Variants in VAV2 observed in about 807,000 individuals in gnomAD.
The protein encoded by VAV2 is vav guanine nucleotide exchange factor 2, also known as guanine nucleotide exchange factor VAV2.
A neutral mutation model predicts 132.5 loss-of-function variants in VAV2; 67 were observed. That is an observed-to-expected ratio of 0.51 (90% confidence interval 0.42 to 0.62). The LOEUF is 0.62. Ranked by LOEUF, VAV2 falls within the 20% of genes least tolerant of loss-of-function variation. The probability of loss-of-function intolerance (pLI) is 0.00; values close to 1 mark genes in which losing one functional copy is unlikely to be tolerated. For synonymous variants in VAV2, 492 were observed against 443.5 expected (o/e 1.11, Z -1.37); for missense variants, 938 against 1,153.6 (o/e 0.81, Z 2.71).
chr9:133,947,879 T>A (rs1048096146), intron 1 of VAV2, among the ~76,000 whole-genome samples: 2 of 151,238 alleles, frequency 1.3e-5, no homozygotes, highest in Non-Finnish European at 3.0e-5. Context: ...AACCTTCACC[T>A]CCCAGGTTCA....
In VAV2 at chr9:133,769,176, G is replaced by A. The variant is rs1833532546; in HGVS notation, c.2434+241C>T. Among the ~76,000 whole-genome samples, 1 of 152,254 alleles carries A rather than the reference G, an allele frequency of 6.6e-6. No homozygotes were observed. The highest frequency in any genetic ancestry group is 6.5e-5 in the Admixed American group (1 of 15,288). On this transcript the variant is annotated intron_variant, in intron 28 of 29. Coordinates refer to ENST00000371850, the MANE Select transcript of VAV2 (RefSeq NM_001134398.2). The surrounding 1 kb of genome is among the most constrained non-coding windows in gnomAD (Gnocchi z 8.1). Reference sequence around the variant, plus strand: ...GGGCTGGGAAAGTGGCCATCAGGGTGGGCGTGTCCACAGGGGGTGGGTGGT... The same window carrying A: ...GGGCTGGGAAAGTGGCCATCAGGGTAGGCGTGTCCACAGGGGGTGGGTGGT...
rs975738651 is a variant in VAV2 at position 133,935,632 on chromosome 9, G to A, written c.321+3471C>T. Among the ~76,000 whole-genome samples the A allele has an allele frequency of 1.6e-4, 25 of 152,222 alleles. No individual in the cohort carries two copies. Among genetic ancestry groups the A allele is most frequent in the African/African-American group, 5.3e-4 (22 of 41,458 alleles). ...ACCTGTCCCGGAGAAGCCAGGAGGC[G>A]CTGGCAGAGCAGAACCGTCAGGCTC... On this transcript the variant is annotated intron_variant, in intron 2 of 29. Transcript: ENST00000371850. This position sits in a 1 kb window ranked among gnomAD's most constrained non-coding sequence, Gnocchi z 5.2.
intron 2 of VAV2, among the ~76,000 whole-genome samples, chr9:133,922,276 G>A (rs906818021): frequency 6.6e-6 from 1 of 152,244 alleles, no homozygotes; most frequent in Non-Finnish European, 1.5e-5. Context: ...GCGTCTACCT[G>A]CCTGGGCTTC....
At position 133,788,245 on chromosome 9, in the gene VAV2, G is replaced by T; in HGVS notation, c.1407+109C>A. 2.2e-6 allele frequency: 1 copy of T among 457,594 alleles called. No individual in the cohort carries two copies. Among genetic ancestry groups the T allele is most frequent in the Non-Finnish European group, 4.4e-6 (1 of 229,424 alleles). The allele number at this position is 457,594 out of a possible 1,614,324, so 28.3% of individuals were successfully genotyped here. On this transcript the variant is annotated intron_variant, in intron 15 of 29. Transcript: ENST00000371850. The surrounding 1 kb of genome is among the most constrained non-coding windows in gnomAD (Gnocchi z 5.3). ...ACGCCCACCCCAACCCACCCGGCCA[G>T]CATCAGCGGCTGACTTCGAGTCCCC...
chr9:133,960,022 C>A (rs1841914962), intron 1 of VAV2, among the ~76,000 whole-genome samples: 1 of 152,222 alleles, frequency 6.6e-6, no homozygotes, highest in Non-Finnish European at 1.5e-5. Context: ...ACAGTGAGAG[C>A]CGGGAACACG....
At position 133,807,288 on chromosome 9, in the gene VAV2, C is replaced by T. The variant is rs370308907; in HGVS notation, c.705G>A (p.Ala235=). The change falls in exon 8 of 30, where the codon GCG becomes GCA. Residue 235 remains alanine (A), a synonymous_variant. Coordinates refer to ENST00000371850, the MANE Select transcript of VAV2 (RefSeq NM_001134398.2). ...MSPLRLVLSP[A]DMAAVFINLE... ...GGTTAATGAAGACAGCTGCCATGTC[C>T]GCCGGGCTCAGCACCAGCCGCAGGG... 53 of 1,611,076 alleles carry T rather than the reference C, an allele frequency of 3.3e-5. No individual in the cohort carries two copies. The highest frequency in any genetic ancestry group is 4.0e-5 in the African/African-American group (3 of 74,886).
intron 2 of VAV2, among the ~76,000 whole-genome samples, chr9:133,865,840 G>A (rs1257118647): frequency 6.6e-6 from 1 of 152,208 alleles, no homozygotes; most frequent in Non-Finnish European, 1.5e-5. Flanking sequence ...TGTTTTCCAT[G>A]GGTGGAGGGA....
intron 3 of VAV2, among the ~76,000 whole-genome samples, chr9:133,858,464 C>T (rs1482006993): frequency 2.6e-5 from 4 of 152,130 alleles, no homozygotes; most frequent in African/African-American, 9.7e-5. Context: ...AACCCACGCC[C>T]GATGTATCCT....
intron 2 of VAV2, among the ~76,000 whole-genome samples, chr9:133,865,041 G>A (rs1837746317): frequency 6.6e-6 from 1 of 152,250 alleles, no homozygotes; most frequent in Non-Finnish European, 1.5e-5. Flanking sequence ...AGGTTCAGCA[G>A]AGGATAGGAA....
Position 133,838,252 on chromosome 9 carries a change from C to T in VAV2, c.381-3912G>A, listed in dbSNP as rs116903069. Among the ~76,000 whole-genome samples the T allele has an allele frequency of 4.4e-3, 671 of 151,918 alleles. 10 individuals are homozygous for T. The highest frequency in any genetic ancestry group is 5.8e-3 in the Admixed American group (88 of 15,234). ...TGCTAGCATCCTTCAGGGCTGAATCCAAGCCCTACTGCATGTGGGAAGACT... is the reference window on the plus strand; with the variant it reads ...TGCTAGCATCCTTCAGGGCTGAATCTAAGCCCTACTGCATGTGGGAAGACT... On this transcript the variant is annotated intron_variant, in intron 3 of 29. Coordinates refer to ENST00000371850, the MANE Select transcript of VAV2 (RefSeq NM_001134398.2).
intron 2 of VAV2, among the ~76,000 whole-genome samples, chr9:133,868,723 C>T (rs945235708): frequency 3.3e-5 from 5 of 152,238 alleles, no homozygotes; most frequent in African/African-American, 9.6e-5. Flanking sequence ...CTGGGAATGC[C>T]GCTCTGGCCC....
intron 2 of VAV2, among the ~76,000 whole-genome samples, chr9:133,890,381 C>A (rs185638336): frequency 6.6e-6 from 1 of 152,310 alleles, no homozygotes; most frequent in East Asian, 1.9e-4. Context: ...GGAGTGAGCA[C>A]GGACTGCAGC....
intron 2 of VAV2, among the ~76,000 whole-genome samples, chr9:133,924,513 C>T (rs1840404640): frequency 6.6e-6 from 1 of 152,170 alleles, no homozygotes; most frequent in African/African-American, 2.4e-5. Flanking sequence ...CTACAGTTAA[C>T]AATAGCAGTA....
intron 1 of VAV2, among the ~76,000 whole-genome samples, chr9:133,977,435 G>A (rs974834747): frequency 2.0e-5 from 3 of 152,174 alleles, no homozygotes; most frequent in African/African-American, 4.8e-5. Flanking sequence ...TGAGCATGAA[G>A]GACTAGAACC....
intron 2 of VAV2, among the ~76,000 whole-genome samples, chr9:133,895,289 C>A (rs1370890177): frequency 6.6e-6 from 1 of 151,156 alleles, no homozygotes; most frequent in Non-Finnish European, 1.5e-5. Context: ...TGGGGGAGGC[C>A]TGGCGGGGCT....
intron 1 of VAV2, among the ~76,000 whole-genome samples, chr9:133,948,626 C>T (rs901113510): frequency 1.6e-4 from 24 of 152,204 alleles, no homozygotes; most frequent in African/African-American, 5.3e-4. Flanking sequence ...AGGGCTGCAA[C>T]AACAGCGTGT....
intron 13 of VAV2, among the ~76,000 whole-genome samples, chr9:133,790,916 G>A (rs1174352174): frequency 1.3e-5 from 2 of 152,092 alleles, no homozygotes; most frequent in African/African-American, 4.8e-5. Context: ...CACCACCAGG[G>A]GTAATTTTGC....
Position 133,788,288 on chromosome 9 carries a change from A to T in VAV2, c.1407+66T>A. On this transcript the variant is annotated intron_variant, in intron 15 of 29. Transcript: ENST00000371850. This position sits in a 1 kb window ranked among gnomAD's most constrained non-coding sequence, Gnocchi z 5.3. The stretch of plus-strand genomic sequence containing the variant: ...GAGTCCCCTTCCCCTGGGGTCTGGA[A>T]CCCAGTGCCTCTCTCCAGGCCACCC... 6.6e-7 allele frequency: 1 copy of T among 1,506,500 alleles called. No individual in the cohort carries two copies. The highest frequency in any genetic ancestry group is 9.0e-7 in the Non-Finnish European group (1 of 1,108,664). The allele number at this position is 1,506,500 out of a possible 1,614,324, so 93.3% of individuals were successfully genotyped here. A position where few individuals can be genotyped will look rare whatever the true frequency, so the allele number is the denominator to read the frequency against.
chr9:133,877,869 G>A (rs528918826), intron 2 of VAV2, among the ~76,000 whole-genome samples: 8 of 152,294 alleles, frequency 5.3e-5, no homozygotes, highest in East Asian at 3.9e-4. Context: ...TCTCTGAAGC[G>A]ATGACTTAGT....
Sources: allele counts gnomAD v4.1 joint callset (sites outside exome capture counted in the v4.1 genomes callset), GRCh38; gene constraint gnomAD v4.1.1; non-coding constraint Gnocchi (gnomAD v3.1); transcripts MANE v1.5; gene names NCBI Gene and HGNC (gene_info 2026-07-23, HGNC 2026-07-21).